The following CNTNAP4 variants were observed in gnomAD, a reference collection of about 807,000 sequenced individuals.
The protein encoded by CNTNAP4 is contactin-associated protein-like 4.
In CNTNAP4, 98 loss-of-function variants were observed where a neutral mutation model predicts 148.4. That is an observed-to-expected ratio of 0.66 (90% CI 0.56 to 0.78). The LOEUF is 0.78. Ranked by LOEUF, CNTNAP4 falls within the 30% of genes least tolerant of loss-of-function variation. The pLI, the probability that CNTNAP4 is intolerant of heterozygous loss-of-function variation, is 0.00. For missense variants in CNTNAP4, 1,935 were observed against 1,565.6 expected, an observed-to-expected ratio of 1.24 and a Z score of -3.98; for synonymous variants, 730 against 565.1, an observed-to-expected ratio of 1.29 and a Z score of -4.14.
At chr16:76,285,840 G>C (rs1431304563) in intron 1 of CNTNAP4, among the ~76,000 whole-genome samples, 1 of 151,802 alleles carries the variant, frequency 6.6e-6, no homozygotes, top group Non-Finnish European at 1.5e-5. Context: ...AGGGTTGATA[G>C]TTGCTTGGAT....
intron 2 of CNTNAP4, among the ~76,000 whole-genome samples, chr16:76,327,000 C>G (rs1048066357): frequency 1.3e-5 from 2 of 151,966 alleles, no homozygotes; most frequent in Non-Finnish European, 2.9e-5. Context: ...GCTCATTCAC[C>G]CATATGAGAG....
chr16:76,474,509 A>G (rs996702018), intron 10 of CNTNAP4, among the ~76,000 whole-genome samples: 41 of 152,158 alleles, frequency 2.7e-4, no homozygotes, highest in African/African-American at 9.7e-4. Flanking sequence ...AATTGGAAAA[A>G]TTTTATAAGC....
rs190849330 is a variant in CNTNAP4 at position 76,373,931 on chromosome 16, A to T, written c.390+18420A>T. ...AAAAAAAAAGAAAAGGAAAGGAAAC[A>T]GGAAGCCAAAATACTAAGACATAGC... On this transcript the variant is annotated intron_variant, in intron 3 of 23. Transcript: ENST00000611870. 9.2e-5 allele frequency among the ~76,000 whole-genome samples: 14 copies of T among 151,928 alleles called. No homozygotes were observed. In the East Asian group the frequency reaches 2.5e-3, roughly 27 times the overall value.
intron 17 of CNTNAP4, 24 bp downstream of exon 17, chr16:76,522,281 A>G (rs1292560387): frequency 6.3e-7 from 1 of 1,593,420 alleles, no homozygotes; most frequent in African/African-American, 1.3e-5. Context: ...TTAAGCAATC[A>G]TTTTATTGTA....
intron 8 of CNTNAP4, among the ~76,000 whole-genome samples, chr16:76,453,202 C>T (rs2080585092): frequency 2.6e-5 from 4 of 152,172 alleles, no homozygotes; most frequent in Admixed American, 2.0e-4. Flanking sequence ...GGATCTATAT[C>T]TATATCTCTG....
At chr16:76,319,709 A>C (rs972698797) in intron 2 of CNTNAP4, among the ~76,000 whole-genome samples, 2 of 152,162 alleles carry the variant, frequency 1.3e-5, no homozygotes, top group African/African-American at 4.8e-5. Flanking sequence ...TGAAGATGGA[A>C]GCAGAGATTG....
At chr16:76,307,743 G>T (rs1960650802) in intron 1 of CNTNAP4, among the ~76,000 whole-genome samples, 1 of 151,854 alleles carries the variant, frequency 6.6e-6, no homozygotes, top group Admixed American at 6.6e-5. Context: ...TGGTCTCTTT[G>T]TCTTAATATC....
At chr16:76,337,327 C>G (rs1351103133) in intron 2 of CNTNAP4, among the ~76,000 whole-genome samples, 1 of 152,082 alleles carries the variant, frequency 6.6e-6, no homozygotes, top group African/African-American at 2.4e-5. Context: ...TAAATGTCAG[C>G]CGGTCTGAGA....
chr16:76,366,777 T>C (rs1481223699), intron 3 of CNTNAP4, among the ~76,000 whole-genome samples: 2 of 151,632 alleles, frequency 1.3e-5, no homozygotes, highest in African/African-American at 4.9e-5. Flanking sequence ...TGAAAAGATA[T>C]CAAGGAAAAA....
chr16:76,376,953 G>GTGTA (rs1567918140), intron 3 of CNTNAP4, among the ~76,000 whole-genome samples: 1 of 137,928 alleles, frequency 7.3e-6, no homozygotes, highest in Non-Finnish European at 1.6e-5. Flanking sequence ...GTGTGTGTGT[G>GTGTA]TACACATATA....
intron 16 of CNTNAP4, 113 bp from the exon 17 acceptor site, chr16:76,521,926 G>A (rs1199212953): frequency 4.2e-6 from 4 of 943,032 alleles, no homozygotes; most frequent in African/African-American, 1.6e-5. Flanking sequence ...ATCTATGTTC[G>A]TTATCTTTCT....
At chr16:76,361,112 C>T (rs557081877) in intron 3 of CNTNAP4, among the ~76,000 whole-genome samples, 32 of 152,006 alleles carry the variant, frequency 2.1e-4, no homozygotes, top group African/African-American at 3.9e-4. Context: ...CATGAGGCAC[C>T]GCGCCCGGCC....
intron 3 of CNTNAP4, among the ~76,000 whole-genome samples, chr16:76,392,125 C>G (rs932345937): frequency 6.6e-5 from 10 of 152,150 alleles, no homozygotes; most frequent in African/African-American, 2.4e-4. Flanking sequence ...TCCCAAGAAG[C>G]TGGGATTACA....
chr16:76,309,819 G>A, intron 1 of CNTNAP4: 1 of 699,850 alleles, frequency 1.4e-6, no homozygotes, highest in South Asian at 1.5e-5. Context: ...GAGATCTGAT[G>A]GGTTGCTCAG....
intron 4 of CNTNAP4, among the ~76,000 whole-genome samples, chr16:76,443,400 A>G (rs971590536): frequency 2.0e-5 from 3 of 152,220 alleles, no homozygotes; most frequent in African/African-American, 7.2e-5. Context: ...CCTGGGCAAC[A>G]TGGAGAAACT....
At chr16:76,424,838 T>G (rs1369854345) in intron 3 of CNTNAP4, among the ~76,000 whole-genome samples, 1 of 152,020 alleles carries the variant, frequency 6.6e-6, no homozygotes, top group Admixed American at 6.6e-5. Context: ...AAATCAATGC[T>G]CAGGCTATGA....
At chr16:76,463,967 A>T (rs1233314390) in intron 9 of CNTNAP4, among the ~76,000 whole-genome samples, 1 of 152,030 alleles carries the variant, frequency 6.6e-6, no homozygotes, top group African/African-American at 2.4e-5. Flanking sequence ...CATTTTTTCA[A>T]TTGATGTTCT....
At chr16:76,428,686 G>C (rs2079506108) in intron 4 of CNTNAP4, among the ~76,000 whole-genome samples, 1 of 151,920 alleles carries the variant, frequency 6.6e-6, no homozygotes, top group Middle Eastern at 3.2e-3. Context: ...ATATTTGACA[G>C]ACCTGATTCC....
intron 3 of CNTNAP4, among the ~76,000 whole-genome samples, chr16:76,374,838 G>A (rs1339285763): frequency 6.6e-6 from 1 of 151,284 alleles, no homozygotes; most frequent in Admixed American, 6.6e-5. Context: ...GCTCAATCTC[G>A]GCTCACAGCA....
Sources: gnomAD v4.1 joint callset for allele counts (sites outside exome capture counted in the v4.1 genomes callset) on GRCh38, gnomAD v4.1.1 for gene constraint, MANE v1.5 for transcripts, NCBI Gene and HGNC (gene_info 2026-07-23, HGNC 2026-07-21) for gene names.